Variants in SNX10 observed in about 807,000 individuals in gnomAD.
SNX10 encodes sorting nexin-10.
SNX10 carries 25 observed loss-of-function variants against 28.5 expected under a neutral mutation model. The observed-to-expected ratio is 0.88, with a 90% confidence interval of 0.64 to 1.22. The LOEUF is 1.22. Among genes scored for constraint, SNX10 ranks in the 50% most tolerant of loss-of-function variants. The probability of loss-of-function intolerance (pLI) is 0.00; values close to 1 mark genes in which losing one functional copy is unlikely to be tolerated. For missense variants in SNX10, 223 were observed against 242.6 expected (o/e 0.92, Z 0.54); for synonymous variants, 62 against 81.4 (o/e 0.76, Z 1.28).
chr7:26,291,868 C>G lies in SNX10; in HGVS notation c.-242C>G, dbSNP rs1255640284. Reference sequence around the variant, plus strand: ...GCGCGGAGGCGGCGGAAGCACTAGGCGCGGCGCCCACAGGCGGACGGCTGG... The same window carrying G: ...GCGCGGAGGCGGCGGAAGCACTAGGGGCGGCGCCCACAGGCGGACGGCTGG... On this transcript the variant is annotated 5_prime_UTR_variant, in exon 1 of 7. Coordinates refer to ENST00000338523, the MANE Select transcript of SNX10 (RefSeq NM_013322.3). 6.7e-6 allele frequency: 1 copy of G among 148,836 alleles called. No individual in the cohort carries two copies. Among genetic ancestry groups the G allele is most frequent in the African/African-American group, 2.4e-5 (1 of 41,122 alleles). The allele number at this position is 148,836 out of a possible 1,614,324, so 9.2% of individuals were successfully genotyped here. A position where few individuals can be genotyped will look rare whatever the true frequency, so the allele number is the denominator to read the frequency against.
At chr7:26,305,373 CAA>C (rs997525116) in intron 1 of SNX10, among the ~76,000 whole-genome samples, 3 of 152,194 alleles carry the variant, frequency 2.0e-5, no homozygotes, top group African/African-American at 7.2e-5. Flanking sequence ...CAAACACACA[CAA>C]AAGAGTTTTC....
At chr7:26,346,641 C>T (rs1180583792) in intron 2 of SNX10, among the ~76,000 whole-genome samples, 175 bp downstream of exon 2, 2 of 152,186 alleles carry the variant, frequency 1.3e-5, no homozygotes, top group Admixed American at 1.3e-4. Flanking sequence ...GCATAGCCTT[C>T]ATTTTGGGTT....
chr7:26,321,570 C>A (rs905449910), intron 1 of SNX10, among the ~76,000 whole-genome samples: 1 of 152,194 alleles, frequency 6.6e-6, no homozygotes, highest in African/African-American at 2.4e-5. Context: ...GCCTTGGCCA[C>A]GTGTTCCTTT....
intron 1 of SNX10, among the ~76,000 whole-genome samples, chr7:26,301,996 C>T (rs1584089333): frequency 2.6e-5 from 4 of 152,212 alleles, no homozygotes; most frequent in Admixed American, 2.6e-4. Context: ...AAACATAATC[C>T]ATGTAGATTA....
At chr7:26,352,989 T>G (rs1788666344) in intron 2 of SNX10, among the ~76,000 whole-genome samples, 1 of 133,374 alleles carries the variant, frequency 7.5e-6, no homozygotes, top group South Asian at 2.4e-4. Context: ...GAAGAGGAGG[T>G]TTTTTTTTTC....
chr7:26,327,263 C>G (rs1039182190), intron 1 of SNX10, among the ~76,000 whole-genome samples: 11 of 152,076 alleles, frequency 7.2e-5, no homozygotes, highest in Non-Finnish European at 1.5e-4. Context: ...TGTTAATTAT[C>G]TTTTGAAGTG....
intron 1 of SNX10, among the ~76,000 whole-genome samples, chr7:26,294,855 C>T (rs1176071983): frequency 6.6e-6 from 1 of 152,180 alleles, no homozygotes; most frequent in Non-Finnish European, 1.5e-5. Context: ...CAAGGTCAAA[C>T]AACTAGTAAT....
At chr7:26,329,643 C>T (rs1389837649) in intron 1 of SNX10, among the ~76,000 whole-genome samples, 4 of 152,170 alleles carry the variant, frequency 2.6e-5, no homozygotes, top group Non-Finnish European at 2.9e-5. Context: ...CCCTTTGTAA[C>T]GTGGTGTTTG....
At chr7:26,310,307 A>G (rs974451279) in intron 1 of SNX10, among the ~76,000 whole-genome samples, 6 of 152,344 alleles carry the variant, frequency 3.9e-5, no homozygotes, top group African/African-American at 1.2e-4. Context: ...AATATACTGC[A>G]TATTTTCTGG....
intron 1 of SNX10, among the ~76,000 whole-genome samples, chr7:26,295,189 GT>G (rs2127991834): frequency 6.6e-6 from 1 of 152,194 alleles, no homozygotes; most frequent in African/African-American, 2.4e-5. Flanking sequence ...TATCAGATCT[GT>G]GAACCCCTTT....
At chr7:26,359,371 G>A (rs1303029280) in intron 2 of SNX10, among the ~76,000 whole-genome samples, 2 of 152,118 alleles carry the variant, frequency 1.3e-5, no homozygotes. Context: ...CAATGGAGGT[G>A]CTTTGTCCAG....
intron 2 of SNX10, among the ~76,000 whole-genome samples, chr7:26,351,019 G>A (rs555176596): frequency 1.4e-4 from 21 of 151,606 alleles, no homozygotes; most frequent in Non-Finnish European, 2.6e-4. Flanking sequence ...AAAGTATACA[G>A]GAAAAAATAA....
intron 1 of SNX10, among the ~76,000 whole-genome samples, chr7:26,293,896 G>A (rs1403007275): frequency 6.6e-6 from 1 of 152,188 alleles, no homozygotes; most frequent in African/African-American, 2.4e-5. Context: ...AAAGAGTAAC[G>A]TTGGTGTTCT....
chr7:26,337,691 T>G (rs766599256), intron 1 of SNX10, among the ~76,000 whole-genome samples: 3 of 152,228 alleles, frequency 2.0e-5, no homozygotes, highest in Non-Finnish European at 4.4e-5. Context: ...GAGACCACAT[T>G]TTGCTCATCC....
intron 3 of SNX10, among the ~76,000 whole-genome samples, chr7:26,362,898 T>A (rs1328187767): frequency 1.3e-5 from 2 of 152,240 alleles, no homozygotes; most frequent in Non-Finnish European, 2.9e-5. Context: ...GACCTTAGTC[T>A]GGTGTAGGTA....
intron 2 of SNX10, among the ~76,000 whole-genome samples, chr7:26,348,299 A>AGTTAATG (rs1270659325): frequency 6.6e-6 from 1 of 152,174 alleles, no homozygotes; most frequent in Non-Finnish European, 1.5e-5. Flanking sequence ...CCGCCCATGA[A>AGTTAATG]GTTAATGAAA....
intron 2 of SNX10, among the ~76,000 whole-genome samples, chr7:26,351,952 G>A (rs774034834): frequency 5.9e-5 from 9 of 152,006 alleles, no homozygotes; most frequent in Admixed American, 1.3e-4. Context: ...CACTGTGCCC[G>A]ACCAGCAATC....
intron 1 of SNX10, among the ~76,000 whole-genome samples, chr7:26,322,918 A>G (rs1027196365): frequency 6.6e-6 from 1 of 152,142 alleles, no homozygotes; most frequent in Non-Finnish European, 1.5e-5. Context: ...ACAAATAAAT[A>G]GTATAGATTC....
At chr7:26,337,610 G>T (rs1787989161) in intron 1 of SNX10, among the ~76,000 whole-genome samples, 1 of 152,124 alleles carries the variant, frequency 6.6e-6, no homozygotes, top group Non-Finnish European at 1.5e-5. Context: ...TGTCCTTAAG[G>T]TTCGTCCTCT....
Sources: gnomAD v4.1 joint callset for allele counts (sites outside exome capture counted in the v4.1 genomes callset) on GRCh38, gnomAD v4.1.1 for gene constraint, MANE v1.5 for transcripts, NCBI Gene and HGNC (gene_info 2026-07-23, HGNC 2026-07-21) for gene names.